Variants in ROBO2 observed in about 807,000 individuals in gnomAD.
ROBO2 encodes the protein roundabout homolog 2.
ROBO2 carries 53 observed loss-of-function variants against 160.8 expected under a neutral mutation model. The observed-to-expected ratio is 0.33, with a 90% CI of 0.26 to 0.41. The LOEUF (loss-of-function observed/expected upper bound fraction) is 0.41. Among genes scored for constraint, ROBO2 ranks in the 10% least tolerant of loss-of-function variants. The pLI, the probability that ROBO2 is intolerant of heterozygous loss-of-function variation, is 1.00. For missense variants in ROBO2, 1,577 were observed against 1,722.4 expected, an observed-to-expected ratio of 0.92 and a Z score of 1.49; for synonymous variants, 664 against 611.7, an observed-to-expected ratio of 1.09 and a Z score of -1.26.
At chr3:76,791,648 A>G (rs955872340) in intron 2 of ROBO2, among the ~76,000 whole-genome samples, 8 of 151,724 alleles carry the variant, frequency 5.3e-5, no homozygotes, top group African/African-American at 1.9e-4. Context: ...CTGCTATCTC[A>G]TGAGAGAGGC....
intron 2 of ROBO2, among the ~76,000 whole-genome samples, chr3:76,125,888 A>G (rs753519255): frequency 1.3e-5 from 2 of 152,120 alleles, no homozygotes; most frequent in Non-Finnish European, 2.9e-5. Flanking sequence ...GTGCAATGGC[A>G]TGATCTCAGC....
intron 2 of ROBO2, among the ~76,000 whole-genome samples, chr3:77,358,815 T>A (rs554584858): frequency 3.3e-5 from 5 of 152,334 alleles, no homozygotes; most frequent in Admixed American, 3.3e-4. Context: ...TTCCTCCAAT[T>A]CCTTATTTAG....
At chr3:76,644,426 A>T (rs891084464) in intron 2 of ROBO2, among the ~76,000 whole-genome samples, 5 of 152,160 alleles carry the variant, frequency 3.3e-5, no homozygotes, top group Non-Finnish European at 5.9e-5. Flanking sequence ...TTTTCCCTGG[A>T]ACCTCTGCCA....
chr3:76,434,398 C>T, intron 2 of ROBO2: 1 of 1,560,828 alleles, frequency 6.4e-7, no homozygotes, highest in Non-Finnish European at 8.8e-7. Flanking sequence ...TGTCAGCTGT[C>T]AACGAAAGTA....
chr3:77,438,346 A>G (rs897821982), intron 2 of ROBO2, among the ~76,000 whole-genome samples: 5 of 151,940 alleles, frequency 3.3e-5, no homozygotes, highest in Non-Finnish European at 7.4e-5. Context: ...CTACCCACTT[A>G]GACTGATTTC....
At chr3:77,380,655 T>TCTTCCCTCCCTCCCTCTCTCCCTC in intron 2 of ROBO2, among the ~76,000 whole-genome samples, 1 of 151,542 alleles carries the variant, frequency 6.6e-6, no homozygotes, top group Non-Finnish European at 1.5e-5. Context: ...TTTTTCTCCC[T>TCTTCCCTCCCTCCCTCTCTCCCTC]CTTCCCTCCC....
intron 2 of ROBO2, among the ~76,000 whole-genome samples, chr3:76,265,148 A>T (rs763926980): frequency 6.6e-6 from 1 of 152,136 alleles, no homozygotes; most frequent in Non-Finnish European, 1.5e-5. Context: ...GAGGCACGTG[A>T]GTCCCTGGGT....
chr3:77,418,246 T>G (rs550615667), intron 2 of ROBO2, among the ~76,000 whole-genome samples: 1 of 152,164 alleles, frequency 6.6e-6, no homozygotes, highest in Admixed American at 6.5e-5. Context: ...ATAGGTACTT[T>G]GCTTGAGCAA....
chr3:76,512,903 C>T (rs902802920), intron 2 of ROBO2, among the ~76,000 whole-genome samples: 1 of 152,156 alleles, frequency 6.6e-6, no homozygotes, highest in South Asian at 2.1e-4. Flanking sequence ...TATGTGCTAA[C>T]CTCATTTCGC....
At chr3:75,943,310 CTTT>C (rs2107101530) in intron 2 of ROBO2, among the ~76,000 whole-genome samples, 1 of 152,176 alleles carries the variant, frequency 6.6e-6, no homozygotes, top group Admixed American at 6.5e-5. Context: ...TTAATTTGTT[CTTT>C]AAGGTACATC....
At chr3:76,832,616 G>C (rs928226459) in intron 2 of ROBO2, among the ~76,000 whole-genome samples, 5 of 152,068 alleles carry the variant, frequency 3.3e-5, no homozygotes, top group African/African-American at 1.2e-4. Flanking sequence ...CCGCTGAAGG[G>C]TGGTATAATT....
intron 2 of ROBO2, among the ~76,000 whole-genome samples, chr3:76,330,094 C>T (rs767602349): frequency 6.6e-6 from 1 of 152,078 alleles, no homozygotes; most frequent in Non-Finnish European, 1.5e-5. Flanking sequence ...TATAAAATAG[C>T]ACATAAGTAT....
chr3:76,992,384 A>G (rs1440109630), intron 2 of ROBO2, among the ~76,000 whole-genome samples: 1 of 139,526 alleles, frequency 7.2e-6, no homozygotes, highest in African/African-American at 2.7e-5. Context: ...TAGCTTTTGT[A>G]AAAAAAAAGT....
chr3:77,483,787 A>G (rs945634901), intron 4 of ROBO2, among the ~76,000 whole-genome samples: 1 of 148,506 alleles, frequency 6.7e-6, no homozygotes, highest in Non-Finnish European at 1.5e-5. Context: ...AAAAATATAT[A>G]TAATAAAGTT....
intron 2 of ROBO2, among the ~76,000 whole-genome samples, chr3:76,325,936 G>A (rs1212886880): frequency 6.6e-6 from 1 of 152,118 alleles, no homozygotes; most frequent in African/African-American, 2.4e-5. Context: ...ATTATTCTGA[G>A]CCTAACAGTA....
intron 2 of ROBO2, among the ~76,000 whole-genome samples, chr3:75,950,246 A>G (rs2107178479): frequency 6.6e-6 from 1 of 152,168 alleles, no homozygotes; most frequent in Non-Finnish European, 1.5e-5. Context: ...TAAAGGTCAG[A>G]TTTCTTTTAT....
intron 6 of ROBO2, among the ~76,000 whole-genome samples, chr3:77,536,325 CA>C (rs2092098976): frequency 4.6e-5 from 7 of 151,940 alleles, no homozygotes; most frequent in Admixed American, 3.9e-4. Context: ...AGCACTCTCC[CA>C]CCCTTCCTTC....
chr3:77,625,508 A>G (rs59916315), intron 23 of ROBO2, among the ~76,000 whole-genome samples: 17,779 of 151,758 alleles, frequency 0.12, 1,596 homozygotes, highest in African/African-American at 0.24. Context: ...CTCCTGAGTA[A>G]CTGGGACTAC....
chr3:77,211,422 T>G (rs1260436166), intron 2 of ROBO2, among the ~76,000 whole-genome samples: 1 of 152,234 alleles, frequency 6.6e-6, no homozygotes, highest in Non-Finnish European at 1.5e-5. Flanking sequence ...CTTTGCCCAC[T>G]TTTTGATGGG....
Sources: allele counts gnomAD v4.1 joint callset (sites outside exome capture counted in the v4.1 genomes callset), GRCh38; gene constraint gnomAD v4.1.1; transcripts MANE v1.5; gene names NCBI Gene and HGNC (gene_info 2026-07-23, HGNC 2026-07-21).